The following MATCAP2 variants were observed in gnomAD, a reference collection of about 807,000 sequenced individuals.
MATCAP2 encodes microtubule associated tyrosine carboxypeptidase 2, also known as putative tyrosine carboxypeptidase MATCAP2.
chr7:36,367,177 C>CGGT, the MATCAP2 span: 4 of 1,198,498 alleles, frequency 3.3e-6, no homozygotes. Flanking sequence ...GGCGGCCTTA[C>CGGT]GGTGCCCAGC....
At chr7:36,364,432 C>T in the MATCAP2 span, among the ~76,000 whole-genome samples, 1 of 152,064 alleles carries the variant, frequency 6.6e-6, no homozygotes, top group Non-Finnish European at 1.5e-5. Context: ...TCAAAAAAAC[C>T]TTTTCTGATT....
At chr7:36,346,099 C>T in the MATCAP2 span, among the ~76,000 whole-genome samples, 3 of 151,994 alleles carry the variant, frequency 2.0e-5, no homozygotes, top group African/African-American at 7.3e-5. Flanking sequence ...CAATGAGATA[C>T]CACTTCACTC....
At chr7:36,344,870 G>A in the MATCAP2 span, among the ~76,000 whole-genome samples, 328 of 152,230 alleles carry the variant, frequency 2.2e-3, 1 homozygote, top group Admixed American at 3.9e-3. Context: ...TATATTCTTT[G>A]CTTCCTTCCA....
the MATCAP2 span, chr7:36,366,802 G>A: frequency 6.5e-7 from 1 of 1,532,724 alleles, no homozygotes; most frequent in Non-Finnish European, 8.7e-7. Context: ...TCGGGGCGCA[G>A]GGTGGAGTCC....
the MATCAP2 span, among the ~76,000 whole-genome samples, chr7:36,345,155 ACTT>A: frequency 6.6e-6 from 1 of 152,168 alleles, no homozygotes; most frequent in African/African-American, 2.4e-5. Flanking sequence ...GTAGGATAAC[ACTT>A]CTTGCTAAAA....
At chr7:36,356,821 G>A in the MATCAP2 span, 1 of 1,160,152 alleles carries the variant, frequency 8.6e-7, no homozygotes, top group South Asian at 1.2e-5. Context: ...ATTTTTAAAT[G>A]TCTTTGTTTT....
the MATCAP2 span, chr7:36,326,133 G>C: frequency 6.6e-6 from 1 of 151,894 alleles, no homozygotes; most frequent in Non-Finnish European, 1.5e-5. Flanking sequence ...GAGATAACCG[G>C]ACAAAAAGAG....
the MATCAP2 span, among the ~76,000 whole-genome samples, chr7:36,357,965 G>A: frequency 6.2e-4 from 94 of 152,234 alleles, 2 homozygotes; most frequent in South Asian, 0.019. Context: ...TTGGGAGGTC[G>A]AGGCAGGCAG....
At chr7:36,352,122 G>A in the MATCAP2 span, among the ~76,000 whole-genome samples, 12 of 151,802 alleles carry the variant, frequency 7.9e-5, no homozygotes, top group East Asian at 7.8e-4. Context: ...TTCACTGGGC[G>A]CACTGGCTCA....
the MATCAP2 span, among the ~76,000 whole-genome samples, chr7:36,347,855 CA>C: frequency 6.6e-6 from 1 of 152,242 alleles, no homozygotes; most frequent in South Asian, 2.1e-4. Flanking sequence ...ACTTCCCCCC[CA>C]AACAGAATAA....
chr7:36,346,863 C>A, the MATCAP2 span, among the ~76,000 whole-genome samples: 3 of 152,172 alleles, frequency 2.0e-5, no homozygotes, highest in South Asian at 6.2e-4. Flanking sequence ...CGGGTTCAAG[C>A]GATTCTCCTG....
chr7:36,359,424 G>A, the MATCAP2 span, among the ~76,000 whole-genome samples: 1 of 152,216 alleles, frequency 6.6e-6, no homozygotes, highest in African/African-American at 2.4e-5. Flanking sequence ...ACAGAGTCTA[G>A]GGTAAAGAGA....
At chr7:36,339,046 C>A in the MATCAP2 span, among the ~76,000 whole-genome samples, 3 of 152,060 alleles carry the variant, frequency 2.0e-5, no homozygotes, top group Admixed American at 1.3e-4. Flanking sequence ...AAGCTGTAAC[C>A]CAACCACCGT....
the MATCAP2 span, among the ~76,000 whole-genome samples, chr7:36,331,520 G>A: frequency 0.025 from 3,848 of 152,070 alleles, 252 homozygotes; most frequent in East Asian, 0.23. Context: ...AGAGACGCAG[G>A]GTTTTAGAAA....
the MATCAP2 span, among the ~76,000 whole-genome samples, chr7:36,379,989 C>T: frequency 3.9e-5 from 6 of 152,018 alleles, no homozygotes; most frequent in Non-Finnish European, 7.4e-5. Context: ...ACATGTAAAC[C>T]TTTCACAACT....
chr7:36,372,281 C>T, the MATCAP2 span, among the ~76,000 whole-genome samples: 4 of 151,974 alleles, frequency 2.6e-5, no homozygotes, highest in Non-Finnish European at 5.9e-5. Flanking sequence ...CCAGACGCCT[C>T]AGGGCAAACT....
the MATCAP2 span, chr7:36,326,601 G>T: frequency 2.0e-6 from 1 of 506,076 alleles, no homozygotes; most frequent in Non-Finnish European, 3.4e-6. Context: ...AATAGTTTAA[G>T]ATCTGTACTT....
the MATCAP2 span, among the ~76,000 whole-genome samples, chr7:36,370,643 G>A: frequency 5.8e-4 from 88 of 152,034 alleles, no homozygotes; most frequent in Admixed American, 7.2e-4. Flanking sequence ...CACCACACCC[G>A]GCTAATTTTG....
the MATCAP2 span, among the ~76,000 whole-genome samples, chr7:36,366,536 T>C: frequency 6.6e-6 from 1 of 152,256 alleles, no homozygotes; most frequent in African/African-American, 2.4e-5. Flanking sequence ...AGATGTGTTC[T>C]TTCGCTTAGC....
Sources: gnomAD v4.1 joint callset for allele counts (sites outside exome capture counted in the v4.1 genomes callset) on GRCh38, gnomAD v4.1.1 for gene constraint, MANE v1.5 for transcripts, NCBI Gene and HGNC (gene_info 2026-07-23, HGNC 2026-07-21) for gene names.